PCDHGA9: variants seen among roughly 807,000 people sequenced by gnomAD.
The protein encoded by PCDHGA9 is protocadherin gamma-A9.
PCDHGA9 carries 37 observed loss-of-function variants against 62.5 expected under a neutral mutation model. That is an observed-to-expected ratio of 0.59 (90% confidence interval 0.46 to 0.78). The LOEUF (loss-of-function observed/expected upper bound fraction) is 0.78, where lower values mean the gene tolerates loss of function less well. PCDHGA9 is among the 30% of genes least tolerant of loss of function. The pLI, the probability that PCDHGA9 is intolerant of heterozygous loss-of-function variation, is 0.00. For synonymous variants in PCDHGA9, 459 were observed against 484.6 expected (o/e 0.95, Z 0.69); for missense variants, 1,138 against 1,166.2 (o/e 0.98, Z 0.35).
rs905837179 is a variant in PCDHGA9 at position 141,478,541 on chromosome 5, G to A, written c.2425-16266G>A. ...GTTGGGTGCAGAGAGCGCCCCTCCCGGACAGGTAAGGTTTAGCAAGTCATG... is the reference window on the plus strand; with the variant it reads ...GTTGGGTGCAGAGAGCGCCCCTCCCAGACAGGTAAGGTTTAGCAAGTCATG... On this transcript the variant is annotated intron_variant, in intron 1 of 3. Coordinates refer to ENST00000573521, the MANE Select transcript of PCDHGA9 (RefSeq NM_018921.3). 4 of 1,605,470 alleles carry A rather than the reference G, an allele frequency of 2.5e-6. No homozygotes were observed. The Admixed American group carries it at 5.2e-5, about 21-fold the overall frequency.
At chr5:141,484,047 TC>T (rs1351554084) in intron 1 of PCDHGA9, among the ~76,000 whole-genome samples, 1 of 151,912 alleles carries the variant, frequency 6.6e-6, no homozygotes, top group African/African-American at 2.4e-5. Context: ...CTCCAAGAGG[TC>T]CCCTGGGGCT....
intron 1 of PCDHGA9, chr5:141,420,357 C>A: frequency 7.3e-7 from 1 of 1,376,278 alleles, no homozygotes; most frequent in East Asian, 2.6e-5. Flanking sequence ...TTTTAAGATT[C>A]TAGATAACTT....
chr5:141,404,776 A>C lies in PCDHGA9; in HGVS notation c.1824A>C (p.Leu608=). The C allele has an allele frequency of 6.2e-7, 1 of 1,613,070 alleles. No individual in the cohort carries two copies. The highest frequency in any genetic ancestry group is 8.5e-7 in the Non-Finnish European group (1 of 1,179,900). Residue 608 remains leucine, a synonymous_variant, in exon 1 of 4, where the codon CTA becomes CTC. Transcript: ENST00000573521. ...SGQNAWLSYR[L]FKASEPGLFS... Reference sequence around the variant, plus strand: ...AGAATGCTTGGCTCTCCTACCGCCTATTCAAGGCCAGTGAGCCAGGGCTCT... The same window carrying C: ...AGAATGCTTGGCTCTCCTACCGCCTCTTCAAGGCCAGTGAGCCAGGGCTCT...
chr5:141,481,835 C>T (rs892868552), intron 1 of PCDHGA9, among the ~76,000 whole-genome samples: 5 of 149,932 alleles, frequency 3.3e-5, no homozygotes, highest in Non-Finnish European at 7.4e-5. Flanking sequence ...GCAGGAGAAT[C>T]GCTTGATGGT....
chr5:141,449,804 T>C (rs991937787), intron 1 of PCDHGA9, among the ~76,000 whole-genome samples: 2 of 151,676 alleles, frequency 1.3e-5, no homozygotes, highest in Non-Finnish European at 2.9e-5. Flanking sequence ...AAATACCTCA[T>C]TGTGTATTTC....
intron 1 of PCDHGA9, chr5:141,418,928 A>C: frequency 1.2e-6 from 2 of 1,613,978 alleles, no homozygotes; most frequent in Non-Finnish European, 1.7e-6. Flanking sequence ...TGATCAGATT[A>C]TGGAGGATTC....
chr5:141,404,521 G>A lies in PCDHGA9; in HGVS notation c.1569G>A (p.Glu523=). Reference sequence around the variant, plus strand: ...ATGCTCTGTGCTCCTTTGACTATGAGCAGTTTAGAGATTTGCAAATGCAGG... The same window carrying A: ...ATGCTCTGTGCTCCTTTGACTATGAACAGTTTAGAGATTTGCAAATGCAGG... The part of the protein sequence containing the change: ...VLYALCSFDY[E]QFRDLQMQVT... The change falls in exon 1 of 4, where the codon GAG becomes GAA. Residue 523 remains glutamate (E), a synonymous_variant. Coordinates refer to ENST00000573521, the MANE Select transcript of PCDHGA9 (RefSeq NM_018921.3). 2 of 1,613,976 alleles carry A rather than the reference G, an allele frequency of 1.2e-6. No individual in the cohort carries two copies. Among genetic ancestry groups the A allele is most frequent in the Non-Finnish European group, 1.7e-6 (2 of 1,179,852 alleles).
chr5:141,500,005 G>A (rs994274763), intron 2 of PCDHGA9, among the ~76,000 whole-genome samples: 30 of 151,476 alleles, frequency 2.0e-4, no homozygotes, highest in Non-Finnish European at 3.8e-4. Context: ...TCTTTCATAA[G>A]GTCCACATTT....
chr5:141,407,703 G>A (rs1016806853), intron 1 of PCDHGA9, among the ~76,000 whole-genome samples: 26 of 152,096 alleles, frequency 1.7e-4, no homozygotes, highest in African/African-American at 6.3e-4. Flanking sequence ...ATTGTTGAAG[G>A]TGGGGTGATG....
intron 1 of PCDHGA9, among the ~76,000 whole-genome samples, chr5:141,464,077 C>T (rs891173261): frequency 1.3e-5 from 2 of 151,950 alleles, no homozygotes; most frequent in African/African-American, 4.8e-5. Context: ...CCAGCCTGGC[C>T]AACATGGTGA....
At chr5:141,499,330 C>T (rs1040336371) in intron 2 of PCDHGA9, among the ~76,000 whole-genome samples, 1 of 152,170 alleles carries the variant, frequency 6.6e-6, no homozygotes, top group African/African-American at 2.4e-5. Flanking sequence ...CCTGCTCTCT[C>T]TCAGTTTGGG....
At chr5:141,440,093 GA>G (rs2098151022) in intron 1 of PCDHGA9, 1 of 152,302 alleles carries the variant, frequency 6.6e-6, no homozygotes, top group Non-Finnish European at 1.5e-5. Context: ...TCTAAGTGGG[GA>G]AAGTGGAGAC....
chr5:141,479,466 C>G (rs1004384273), intron 1 of PCDHGA9: 1 of 152,224 alleles, frequency 6.6e-6, no homozygotes, highest in Non-Finnish European at 1.5e-5. Flanking sequence ...AATACAGTGA[C>G]CTCTTGGGAG....
chr5:141,422,605 G>A (rs2096658595), intron 1 of PCDHGA9: 1 of 1,613,898 alleles, frequency 6.2e-7, no homozygotes, highest in Non-Finnish European at 8.5e-7. Flanking sequence ...CTCTTACTCT[G>A]CCTACATTCC....
At chr5:141,418,693 T>C (rs989725231) in intron 1 of PCDHGA9, 1 of 1,613,922 alleles carries the variant, frequency 6.2e-7, no homozygotes, top group South Asian at 1.1e-5. Context: ...CAGAGATCAC[T>C]TATTCCTTCT....
intron 1 of PCDHGA9, among the ~76,000 whole-genome samples, chr5:141,459,348 C>G (rs1015330513): frequency 2.6e-5 from 4 of 152,194 alleles, no homozygotes; most frequent in Admixed American, 2.0e-4. Context: ...TCTTGAAATT[C>G]ATTCATGTTC....
chr5:141,447,181 G>T (rs442221), intron 1 of PCDHGA9, among the ~76,000 whole-genome samples: 1 of 152,338 alleles, frequency 6.6e-6, no homozygotes, highest in Admixed American at 6.5e-5. Context: ...CTCTTGTCGC[G>T]CAGGCTGGAG....
chr5:141,443,223 A>G (rs2098374731), intron 1 of PCDHGA9, among the ~76,000 whole-genome samples: 1 of 152,044 alleles, frequency 6.6e-6, no homozygotes, highest in African/African-American at 2.4e-5. Flanking sequence ...AGGCGCATCT[A>G]TAATCTTAGC....
At position 141,485,073 on chromosome 5, in the gene PCDHGA9, C is replaced by T. The variant is rs1167407526; in HGVS notation, c.2425-9734C>T. ...CGGCCGAACCGCGCCAGAGCTGGCG[C>T]GGGGAAAGGGAGATAGGTGTCTCCA... On this transcript the variant is annotated intron_variant, in intron 1 of 3. Transcript: ENST00000573521. The surrounding 1 kb of genome is among the most constrained non-coding windows in gnomAD (Gnocchi z 5.7). 3.3e-6 allele frequency: 3 copies of T among 922,354 alleles called. No homozygotes were observed. The highest frequency in any genetic ancestry group is 4.8e-5 in the East Asian group (2 of 41,404). 57.1% of individuals were successfully genotyped at this position (922,354 alleles called of 1,614,324 possible).
Sources: allele counts gnomAD v4.1 joint callset (sites outside exome capture counted in the v4.1 genomes callset), GRCh38; gene constraint gnomAD v4.1.1; non-coding constraint Gnocchi (gnomAD v3.1); transcripts MANE v1.5; gene names NCBI Gene and HGNC (gene_info 2026-07-23, HGNC 2026-07-21).